The following RAB2A variants were observed in gnomAD, a reference collection of about 807,000 sequenced individuals.
RAB2A encodes the protein RAB2A, member RAS oncogene family, also known as ras-related protein Rab-2A.
Under a neutral mutation model 32.5 loss-of-function variants are expected in RAB2A, and 7 were observed. That is an observed-to-expected ratio of 0.22 (90% CI 0.12 to 0.40). The LOEUF is 0.40. Ranked by LOEUF, RAB2A falls within the 10% of genes least tolerant of loss-of-function variation. RAB2A has a pLI of 1.00. For missense variants in RAB2A, 108 were observed against 260.7 expected (o/e 0.41, Z 4.03); for synonymous variants, 79 against 85.2 (o/e 0.93, Z 0.40).
upstream of RAB2A, chr8:60,516,935 C>T (rs1274112099): frequency 8.9e-6 from 3 of 337,812 alleles, no homozygotes; most frequent in East Asian, 1.5e-4. Flanking sequence ...CCGGCGGCCG[C>T]AGAACTTCCG....
intron 1 of RAB2A, among the ~76,000 whole-genome samples, chr8:60,520,590 A>G (rs1354916331): frequency 6.6e-6 from 1 of 152,134 alleles, no homozygotes; most frequent in Non-Finnish European, 1.5e-5. Context: ...TTCCCTATCA[A>G]AAAAAGTTAT....
intron 1 of RAB2A, among the ~76,000 whole-genome samples, chr8:60,536,622 A>G (rs890173660): frequency 4.6e-5 from 7 of 152,342 alleles, no homozygotes; most frequent in East Asian, 3.9e-4. Context: ...ATTATTTGGG[A>G]TAAACTCAGC....
At position 60,572,040 on chromosome 8, in the gene RAB2A, A is replaced by G. The variant is rs754755646; in HGVS notation, c.119-6A>G. On this transcript the variant is annotated splice_region_variant and splice_polypyrimidine_tract_variant and intron_variant, in intron 2 of 7. Transcript: ENST00000262646. ...TTTGTAACAAATCATTTCCTACTCT[A>G]TTTAGGTGTAGAGTTCGGTGCTCGA... 71 of 1,596,346 alleles carry G rather than the reference A, an allele frequency of 4.4e-5. 2 individuals are homozygous for G. The South Asian group carries it at 6.9e-4, about 15-fold the overall frequency.
chr8:60,521,621 AT>A (rs1253599361), intron 1 of RAB2A, among the ~76,000 whole-genome samples: 1 of 152,032 alleles, frequency 6.6e-6, no homozygotes, highest in African/African-American at 2.4e-5. Flanking sequence ...AATTGCAAGC[AT>A]TTGTTTCTTT....
intron 1 of RAB2A, among the ~76,000 whole-genome samples, chr8:60,527,916 C>A (rs1023886099): frequency 7.2e-5 from 11 of 152,122 alleles, no homozygotes; most frequent in African/African-American, 2.4e-4. Context: ...AGGAAGACAC[C>A]ATTTTATAGG....
At chr8:60,555,344 GCAAA>G (rs1264663942) in intron 1 of RAB2A, among the ~76,000 whole-genome samples, 4 of 152,012 alleles carry the variant, frequency 2.6e-5, no homozygotes, top group Non-Finnish European at 5.9e-5. Context: ...AGCACAAAAA[GCAAA>G]CAAAAAGGCA....
At chr8:60,579,386 C>G (rs1310397189) in intron 3 of RAB2A, among the ~76,000 whole-genome samples, 1 of 152,146 alleles carries the variant, frequency 6.6e-6, no homozygotes, top group East Asian at 1.9e-4. Flanking sequence ...ATATTGTGAG[C>G]CAAGAGAACT....
intron 1 of RAB2A, among the ~76,000 whole-genome samples, chr8:60,534,271 G>T (rs1476970417): frequency 6.6e-6 from 1 of 152,136 alleles, no homozygotes; most frequent in African/African-American, 2.4e-5. Context: ...GGTAATCTTA[G>T]TAGGTAGCTG....
chr8:60,558,015 T>G (rs781735498), intron 1 of RAB2A, among the ~76,000 whole-genome samples: 1 of 152,238 alleles, frequency 6.6e-6, no homozygotes, highest in Non-Finnish European at 1.5e-5. Flanking sequence ...AGGAACCATG[T>G]TGGTTTTCCA....
At chr8:60,536,189 C>A (rs1037507373) in intron 1 of RAB2A, among the ~76,000 whole-genome samples, 1 of 152,158 alleles carries the variant, frequency 6.6e-6, no homozygotes, top group Non-Finnish European at 1.5e-5. Flanking sequence ...CAGGTACTTA[C>A]AATTCAACAG....
rs1804543566 is a variant in RAB2A at position 60,622,450 on chromosome 8, T to C, written c.*1681T>C. On this transcript the variant is annotated 3_prime_UTR_variant, in exon 8 of 8. Coordinates refer to ENST00000262646, the MANE Select transcript of RAB2A (RefSeq NM_002865.3). Reference sequence around the variant, plus strand: ...GTGAGAGAAAATCTGTTTTCATGGGTATTTGTAGTACAGCCTTTTTTTCTT... The same window carrying C: ...GTGAGAGAAAATCTGTTTTCATGGGCATTTGTAGTACAGCCTTTTTTTCTT... 1 of 152,214 alleles carries C rather than the reference T, an allele frequency of 6.6e-6. No individual in the cohort carries two copies. The highest frequency in any genetic ancestry group is 1.5e-5 in the Non-Finnish European group (1 of 68,050). 9.4% of individuals were successfully genotyped at this position (152,214 alleles called of 1,614,324 possible).
At chr8:60,519,734 C>A (rs145132658) in intron 1 of RAB2A, among the ~76,000 whole-genome samples, 1 of 152,136 alleles carries the variant, frequency 6.6e-6, no homozygotes, top group Non-Finnish European at 1.5e-5. Flanking sequence ...TCAGGAAGAG[C>A]GTAGTAGAAG....
chr8:60,603,897 G>C (rs1170170757), intron 6 of RAB2A, among the ~76,000 whole-genome samples: 3 of 152,046 alleles, frequency 2.0e-5, no homozygotes, highest in Non-Finnish European at 4.4e-5. Flanking sequence ...GGAGAAGAAA[G>C]AAAAGAAAAG....
At chr8:60,590,574 A>ATTT (rs1803924921) in intron 5 of RAB2A, among the ~76,000 whole-genome samples, 1 of 139,940 alleles carries the variant, frequency 7.1e-6, no homozygotes, top group Non-Finnish European at 1.5e-5. Context: ...CATATATTTT[A>ATTT]ATATATGTAT....
At chr8:60,579,229 G>A (rs1803693839) in intron 3 of RAB2A, among the ~76,000 whole-genome samples, 1 of 152,152 alleles carries the variant, frequency 6.6e-6, no homozygotes, top group Non-Finnish European at 1.5e-5. Flanking sequence ...TTTTTGTAGA[G>A]ACGGGGTTTC....
intron 5 of RAB2A, among the ~76,000 whole-genome samples, chr8:60,589,281 A>G (rs890139848): frequency 6.6e-6 from 1 of 152,244 alleles, no homozygotes; most frequent in African/African-American, 2.4e-5. Flanking sequence ...AAAGCATAGT[A>G]TGTAAACGAG....
intron 1 of RAB2A, among the ~76,000 whole-genome samples, chr8:60,521,018 G>A (rs772611775): frequency 1.3e-5 from 2 of 152,084 alleles, no homozygotes; most frequent in Non-Finnish European, 2.9e-5. Context: ...CTCTCACTGT[G>A]TTGCTCAGGC....
At chr8:60,521,546 G>A (rs937013173) in intron 1 of RAB2A, among the ~76,000 whole-genome samples, 8 of 152,194 alleles carry the variant, frequency 5.3e-5, no homozygotes, top group East Asian at 1.9e-4. Context: ...CCTGATTGGC[G>A]TAGGGGCTTG....
At chr8:60,545,990 G>C (rs769749323) in intron 1 of RAB2A, among the ~76,000 whole-genome samples, 1 of 152,158 alleles carries the variant, frequency 6.6e-6, no homozygotes, top group Non-Finnish European at 1.5e-5. Flanking sequence ...AAGATGAATA[G>C]GAATACAGAT....
Sources: gnomAD v4.1 joint callset for allele counts (sites outside exome capture counted in the v4.1 genomes callset) on GRCh38, gnomAD v4.1.1 for gene constraint, MANE v1.5 for transcripts, NCBI Gene and HGNC (gene_info 2026-07-23, HGNC 2026-07-21) for gene names.